NALF1: variants seen among roughly 807,000 people sequenced by gnomAD.
The protein encoded by NALF1 is NALCN channel auxiliary factor 1.
In NALF1, 3 loss-of-function variants were observed where a neutral mutation model predicts 48.4. That is an observed-to-expected ratio of 0.06 (90% CI 0.03 to 0.16). The LOEUF (loss-of-function observed/expected upper bound fraction) is 0.16, where lower values mean the gene tolerates loss of function less well. Ranked by LOEUF, NALF1 falls within the 10% of genes least tolerant of loss-of-function variation. The probability of loss-of-function intolerance (pLI) is 1.00; values close to 1 mark genes in which losing one functional copy is unlikely to be tolerated. For synonymous variants in NALF1, 262 were observed against 245.7 expected (o/e 1.07, Z -0.62); for missense variants, 526 against 571.5 (o/e 0.92, Z 0.81).
intron 1 of NALF1, among the ~76,000 whole-genome samples, chr13:107,363,646 A>G (rs1035499971): frequency 6.6e-6 from 1 of 152,212 alleles, no homozygotes; most frequent in African/African-American, 2.4e-5. Context: ...ATTTTTTAAA[A>G]GAAGAGTATA....
intron 1 of NALF1, among the ~76,000 whole-genome samples, chr13:107,510,849 T>G (rs1410344133): frequency 6.6e-6 from 1 of 152,192 alleles, no homozygotes; most frequent in Non-Finnish European, 1.5e-5. Context: ...GCTCATGGGA[T>G]GGACTGTTGC....
chr13:107,659,274 T>C (rs12429686), intron 1 of NALF1, among the ~76,000 whole-genome samples: 18,781 of 152,178 alleles, frequency 0.12, 1,669 homozygotes, highest in Admixed American at 0.21. Context: ...CATTCATTTA[T>C]ACTTCTTGCT....
intron 1 of NALF1, among the ~76,000 whole-genome samples, chr13:107,632,879 G>A (rs1194268324): frequency 7.0e-6 from 1 of 143,664 alleles, no homozygotes; most frequent in African/African-American, 2.5e-5. Context: ...AGACGGAAAT[G>A]AAGGCAGAAA....
At chr13:107,433,246 T>C (rs1449049387) in intron 1 of NALF1, among the ~76,000 whole-genome samples, 2 of 152,222 alleles carry the variant, frequency 1.3e-5, no homozygotes, top group African/African-American at 4.8e-5. Flanking sequence ...TTAATTTTTA[T>C]TGTACATTAT....
chr13:107,552,613 G>A (rs118009562), intron 1 of NALF1, among the ~76,000 whole-genome samples: 24 of 152,128 alleles, frequency 1.6e-4, no homozygotes, highest in Non-Finnish European at 3.4e-4. Flanking sequence ...CAGGCACCAC[G>A]GAGTCCCCAC....
At chr13:107,679,190 A>G (rs7317628) in intron 1 of NALF1, among the ~76,000 whole-genome samples, 87,826 of 152,062 alleles carry the variant, frequency 0.58, 26,633 homozygotes, top group African/African-American at 0.76. Flanking sequence ...AATTTAATGT[A>G]TAATTTTTCA....
At chr13:107,740,521 A>G (rs185072380) in intron 1 of NALF1, among the ~76,000 whole-genome samples, 11 of 152,340 alleles carry the variant, frequency 7.2e-5, no homozygotes, top group African/African-American at 2.4e-4. Flanking sequence ...ATTACATAGC[A>G]TCTATTATTA....
chr13:107,360,568 T>C (rs1045111177), intron 1 of NALF1, among the ~76,000 whole-genome samples: 1 of 152,164 alleles, frequency 6.6e-6, no homozygotes, highest in Non-Finnish European at 1.5e-5. Context: ...CTTCAACTCA[T>C]ACCAAATCCT....
chr13:107,774,607 C>G (rs1396355604), intron 1 of NALF1, among the ~76,000 whole-genome samples: 1 of 152,172 alleles, frequency 6.6e-6, no homozygotes. Flanking sequence ...ACTACATTCT[C>G]TGTAGTTCCA....
chr13:107,762,348 T>C (rs1877287107), intron 1 of NALF1, among the ~76,000 whole-genome samples: 2 of 152,112 alleles, frequency 1.3e-5, no homozygotes, highest in Non-Finnish European at 2.9e-5. Context: ...GCCTTTTAAG[T>C]CTGTATCTGA....
intron 1 of NALF1, among the ~76,000 whole-genome samples, chr13:107,756,216 A>C (rs1877089269): frequency 6.6e-6 from 1 of 152,138 alleles, no homozygotes; most frequent in Non-Finnish European, 1.5e-5. Flanking sequence ...GCAATGTTTC[A>C]AAACCAAATG....
At chr13:107,736,469 T>C (rs1594236056) in intron 1 of NALF1, among the ~76,000 whole-genome samples, 1 of 152,130 alleles carries the variant, frequency 6.6e-6, no homozygotes, top group African/African-American at 2.4e-5. Flanking sequence ...TCAGCACAAA[T>C]AAGCAGCACA....
intron 1 of NALF1, among the ~76,000 whole-genome samples, chr13:107,643,108 C>T (rs568422005): frequency 9.9e-5 from 15 of 152,214 alleles, no homozygotes; most frequent in African/African-American, 2.9e-4. Context: ...AGCCAAAGCA[C>T]ACTGGGAAAT....
chr13:107,376,363 C>T (rs1347833015), intron 1 of NALF1, among the ~76,000 whole-genome samples: 2 of 152,160 alleles, frequency 1.3e-5, no homozygotes, highest in African/African-American at 4.8e-5. Flanking sequence ...CACGTTTCCT[C>T]CTCCACATTC....
At chr13:107,487,020 A>ACATGAT (rs1211298990) in intron 1 of NALF1, among the ~76,000 whole-genome samples, 1 of 152,128 alleles carries the variant, frequency 6.6e-6, no homozygotes, top group Non-Finnish European at 1.5e-5. Flanking sequence ...ATAAAGTAGA[A>ACATGAT]CATGATATAG....
At chr13:107,474,994 T>A in intron 1 of NALF1, among the ~76,000 whole-genome samples, 1 of 152,184 alleles carries the variant, frequency 6.6e-6, no homozygotes, top group Non-Finnish European at 1.5e-5. Context: ...TCAGAGCACG[T>A]CATCTGCTAA....
chr13:107,741,968 G>A (rs1040635551), intron 1 of NALF1, among the ~76,000 whole-genome samples: 8 of 152,118 alleles, frequency 5.3e-5, no homozygotes, highest in Non-Finnish European at 1.0e-4. Flanking sequence ...GTCTTATGTG[G>A]CTAATAATAA....
intron 1 of NALF1, among the ~76,000 whole-genome samples, chr13:107,626,820 T>TA (rs1327289870): frequency 2.0e-5 from 3 of 151,890 alleles, no homozygotes; most frequent in South Asian, 2.1e-4. Context: ...CAAAATGACA[T>TA]AAATGTATTC....
intron 2 of NALF1, among the ~76,000 whole-genome samples, chr13:107,171,309 C>T (rs1300001177): frequency 6.6e-6 from 1 of 152,180 alleles, no homozygotes; most frequent in Non-Finnish European, 1.5e-5. Flanking sequence ...ATCTATATGT[C>T]CAGTGGGTGA....
Sources: gnomAD v4.1 joint callset for allele counts (sites outside exome capture counted in the v4.1 genomes callset) on GRCh38, gnomAD v4.1.1 for gene constraint, MANE v1.5 for transcripts, NCBI Gene and HGNC (gene_info 2026-07-23, HGNC 2026-07-21) for gene names.